FIGN: variants seen among roughly 807,000 people sequenced by gnomAD.
The protein encoded by FIGN is fidgetin.
FIGN carries 11 observed loss-of-function variants against 51.3 expected under a neutral mutation model. The observed-to-expected ratio is 0.21, with a 90% CI of 0.13 to 0.35. The LOEUF (loss-of-function observed/expected upper bound fraction) is 0.35. FIGN is among the 10% of genes least tolerant of loss of function. The pLI is 1.00. For missense variants in FIGN, 857 were observed against 943.6 expected, an observed-to-expected ratio of 0.91 and a Z score of 1.20; for synonymous variants, 407 against 363.2, an observed-to-expected ratio of 1.12 and a Z score of -1.37.
chr2:163,692,556 A>G (rs996156779), intron 2 of FIGN, among the ~76,000 whole-genome samples: 6 of 152,212 alleles, frequency 3.9e-5, no homozygotes, highest in African/African-American at 1.2e-4. Flanking sequence ...AAAGTTGTCA[A>G]TCTATTATAG....
At chr2:163,612,759 T>C (rs1239792000) in intron 2 of FIGN, among the ~76,000 whole-genome samples, 1 of 142,318 alleles carries the variant, frequency 7.0e-6, no homozygotes, top group East Asian at 2.1e-4. Context: ...CATATATATA[T>C]ATATATATAT....
intron 2 of FIGN, among the ~76,000 whole-genome samples, chr2:163,618,281 T>G (rs1289396975): frequency 6.6e-6 from 1 of 152,172 alleles, no homozygotes; most frequent in Non-Finnish European, 1.5e-5. Flanking sequence ...AAATAAGATA[T>G]TCTAATTATA....
intron 2 of FIGN, among the ~76,000 whole-genome samples, chr2:163,705,060 T>C (rs1472661369): frequency 6.6e-6 from 1 of 152,168 alleles, no homozygotes; most frequent in Non-Finnish European, 1.5e-5. Flanking sequence ...GTGACAACTT[T>C]ATAACACTTC....
chr2:163,648,653 G>A (rs1683421013), intron 2 of FIGN, among the ~76,000 whole-genome samples: 1 of 152,098 alleles, frequency 6.6e-6, no homozygotes, highest in African/African-American at 2.4e-5. Flanking sequence ...TCTGTGAAAG[G>A]ACTAATGGCA....
intron 2 of FIGN, among the ~76,000 whole-genome samples, chr2:163,616,324 G>A (rs541413072): frequency 1.1e-3 from 165 of 152,186 alleles, no homozygotes; most frequent in African/African-American, 3.5e-3. Flanking sequence ...AAAATGAGAG[G>A]AAAATTGGAA....
At chr2:163,660,378 G>A (rs1683633965) in intron 2 of FIGN, among the ~76,000 whole-genome samples, 1 of 151,954 alleles carries the variant, frequency 6.6e-6, no homozygotes, top group Non-Finnish European at 1.5e-5. Flanking sequence ...CTAATAGGTG[G>A]AGAAATGTGC....
At position 163,670,496 on chromosome 2, in the gene FIGN, C is replaced by T. The variant is rs564916081; in HGVS notation, c.26-58690G>A. On this transcript the variant is annotated intron_variant, in intron 2 of 2. Transcript: ENST00000333129. Reference sequence around the variant, plus strand: ...GATCTGTCTATGTTTATTTAAACAGCCTCACATTCAAATTCTAATTATTCT... The same window carrying T: ...GATCTGTCTATGTTTATTTAAACAGTCTCACATTCAAATTCTAATTATTCT... 2.0e-5 allele frequency among the ~76,000 whole-genome samples: 3 copies of T among 152,246 alleles called. No homozygotes were observed. The East Asian group carries it at 5.8e-4, about 29-fold the overall frequency.
chr2:163,702,409 TC>T (rs1684422457), intron 2 of FIGN, among the ~76,000 whole-genome samples: 1 of 152,120 alleles, frequency 6.6e-6, no homozygotes, highest in Admixed American at 6.6e-5. Flanking sequence ...GAGGTAAATT[TC>T]CAAAGCACCA....
At chr2:163,727,296 G>A (rs1684852595) in intron 2 of FIGN, among the ~76,000 whole-genome samples, 1 of 151,516 alleles carries the variant, frequency 6.6e-6, no homozygotes, top group South Asian at 2.1e-4. Flanking sequence ...TTATACTACA[G>A]AATATGGAGA....
chr2:163,641,216 G>A (rs1387922090), intron 2 of FIGN, among the ~76,000 whole-genome samples: 2 of 152,174 alleles, frequency 1.3e-5, no homozygotes, highest in African/African-American at 4.8e-5. Flanking sequence ...TCTTGCTGTG[G>A]ATTTCCCTCA....
intron 2 of FIGN, among the ~76,000 whole-genome samples, chr2:163,712,253 A>T (rs1394161923): frequency 6.6e-6 from 1 of 152,238 alleles, no homozygotes; most frequent in Non-Finnish European, 1.5e-5. Flanking sequence ...CAGTAAGTGC[A>T]TATCTAATGG....
intron 2 of FIGN, among the ~76,000 whole-genome samples, chr2:163,685,531 T>A (rs1684133693): frequency 6.6e-6 from 1 of 152,178 alleles, no homozygotes; most frequent in Admixed American, 6.5e-5. Flanking sequence ...CTGTGTAGCA[T>A]TCAGAGGAAC....
intron 2 of FIGN, among the ~76,000 whole-genome samples, chr2:163,631,581 T>G (rs561100592): frequency 1.3e-5 from 2 of 152,280 alleles, no homozygotes; most frequent in African/African-American, 4.8e-5. Flanking sequence ...GGAACCTGTC[T>G]GAGACTTTGG....
intron 2 of FIGN, among the ~76,000 whole-genome samples, chr2:163,665,311 T>A (rs969726140): frequency 1.3e-5 from 2 of 152,264 alleles, no homozygotes; most frequent in African/African-American, 4.8e-5. Context: ...CCATTCTTCA[T>A]GTAAGAAAGG....
chr2:163,618,488 C>T (rs1682914353), intron 2 of FIGN, among the ~76,000 whole-genome samples: 1 of 151,890 alleles, frequency 6.6e-6, no homozygotes, highest in South Asian at 2.1e-4. Flanking sequence ...AGATACCTCA[C>T]CCTCTTACAG....
chr2:163,700,173 AT>A (rs1684386805), intron 2 of FIGN, among the ~76,000 whole-genome samples: 1 of 152,172 alleles, frequency 6.6e-6, no homozygotes, highest in South Asian at 2.1e-4. Flanking sequence ...TGACATTGTG[AT>A]TAGTTATAAC....
intron 2 of FIGN, among the ~76,000 whole-genome samples, chr2:163,720,140 GT>G (rs2105362289): frequency 6.6e-6 from 1 of 152,192 alleles, no homozygotes; most frequent in South Asian, 2.1e-4. Context: ...GCCAAGCCCC[GT>G]TTCCACAATG....
Position 163,610,309 on chromosome 2 carries a change from C to A in FIGN, c.1523G>T (p.Arg508Met). 1 of 1,614,122 alleles carries A rather than the reference C, an allele frequency of 6.2e-7. No homozygotes were observed. Among genetic ancestry groups the A allele is most frequent in the Non-Finnish European group, 8.5e-7 (1 of 1,180,032 alleles). Residue 508 changes from arginine (R) to methionine (M), a missense_variant, in exon 3 of 3, where the codon AGG becomes ATG. Arg to Met is a moderately conservative substitution (Grantham distance 91, BLOSUM62 -1). This residue lies in a region of FIGN where 799 missense variants were observed against 849.5 expected (regional missense o/e 0.94). Coordinates refer to ENST00000333129, the MANE Select transcript of FIGN (RefSeq NM_018086.4). ...CGTCAGTCCACTGAACGCGTCTGAC[C>A]TCAACACTGGCCATAAAACCTCCTC... is the stretch of plus-strand genomic sequence containing the variant. ...IKEEVLWPVLRSDAFSGLTAL... is the reference protein window; with the variant it reads ...IKEEVLWPVLMSDAFSGLTAL...
At chr2:163,712,251 G>A (rs1684598131) in intron 2 of FIGN, among the ~76,000 whole-genome samples, 2 of 152,174 alleles carry the variant, frequency 1.3e-5, no homozygotes, top group African/African-American at 4.8e-5. Context: ...TACAGTAAGT[G>A]CATATCTAAT....
Sources: allele counts gnomAD v4.1 joint callset (sites outside exome capture counted in the v4.1 genomes callset), GRCh38; gene constraint gnomAD v4.1.1; regional missense constraint gnomAD v4.1.1; transcripts MANE v1.5; gene names NCBI Gene and HGNC (gene_info 2026-07-23, HGNC 2026-07-21).